ETV1: variants seen among roughly 807,000 people sequenced by gnomAD.
The protein encoded by ETV1 is ETS translocation variant 1.
A neutral mutation model predicts 62.3 loss-of-function variants in ETV1; 27 were observed. That is an observed-to-expected ratio of 0.43 (90% CI 0.32 to 0.60). The LOEUF is 0.60. Among genes scored for constraint, ETV1 ranks in the 20% least tolerant of loss-of-function variants. The pLI is 0.06. For synonymous variants in ETV1, 222 were observed against 199.6 expected, an observed-to-expected ratio of 1.11 and a Z score of -0.94; for missense variants, 605 against 605.8, an observed-to-expected ratio of 1.00 and a Z score of 0.01.
intron 13 of ETV1, among the ~76,000 whole-genome samples, chr7:13,898,747 C>T (rs576249017): frequency 1.3e-5 from 2 of 152,250 alleles, no homozygotes; most frequent in East Asian, 3.9e-4. Flanking sequence ...TATAATTCAA[C>T]ATCATAGTTT....
Position 13,935,949 on chromosome 7 carries a change from T to A in ETV1, c.366-53A>T, listed in dbSNP as rs75565594. The A allele has an allele frequency of 0.014, 19,250 of 1,413,960 alleles. 1,551 individuals carry two copies. The African/African-American group carries it at 0.21, about 15-fold the overall frequency. 87.6% of individuals were successfully genotyped at this position (1,413,960 alleles called of 1,614,324 possible). On this transcript the variant is annotated intron_variant, in intron 7 of 13. Transcript: ENST00000430479. ...CATTTCTTTCTTTGGAGCAATTTTT[T>A]AAAAAAGTTTCTAATCCAAAGGAAG...
At chr7:13,961,807 C>T (rs1191164158) in intron 6 of ETV1, among the ~76,000 whole-genome samples, 10 of 152,006 alleles carry the variant, frequency 6.6e-5, no homozygotes, top group Non-Finnish European at 1.5e-4. Flanking sequence ...TTTTGAATTC[C>T]TATGGTCAAA....
At chr7:13,962,136 A>T (rs1245659181) in intron 6 of ETV1, among the ~76,000 whole-genome samples, 1 of 151,708 alleles carries the variant, frequency 6.6e-6, no homozygotes, top group Non-Finnish European at 1.5e-5. Flanking sequence ...CCATGTGCCA[A>T]ATATATTACT....
intron 5 of ETV1, among the ~76,000 whole-genome samples, chr7:13,980,609 A>C (rs1313553642): frequency 6.6e-6 from 1 of 152,118 alleles, no homozygotes; most frequent in Admixed American, 6.6e-5. Flanking sequence ...GACCAATAAA[A>C]TGCTTTCAAG....
chr7:13,932,044 CCACA>C lies in ETV1; in HGVS notation c.555-299_555-296del, dbSNP rs60981382. Among the ~76,000 whole-genome samples, 1,086 of 148,050 alleles carry C rather than the reference CCACA, an allele frequency of 7.3e-3. 9 individuals are homozygous for C. The highest frequency in any genetic ancestry group is 0.015 in the African/African-American group (620 of 40,046). The stretch of plus-strand genomic sequence containing the variant: ...GAAAAACTTTGAGGATTTTACACAC[CCACA>C]CACACACACACACACACACACAACG... On this transcript the variant is annotated intron_variant, in intron 8 of 13. Transcript: ENST00000430479.
chr7:13,947,478 G>T (rs1788312199), intron 6 of ETV1, among the ~76,000 whole-genome samples: 1 of 150,128 alleles, frequency 6.7e-6, no homozygotes, highest in Admixed American at 6.6e-5. Context: ...ATTCTCATCA[G>T]TTAAGACAGG....
chr7:13,957,539 T>C (rs77605777), intron 6 of ETV1, among the ~76,000 whole-genome samples: 2,505 of 152,318 alleles, frequency 0.016, 75 homozygotes, highest in African/African-American at 0.058. Context: ...ACAAATAGCA[T>C]TGGTTGTCTA....
rs1421082670 is a variant in ETV1, at chr7:13,893,783, T to C, written c.*2083A>G. ...AAAACTTTCACTGAATATTTTAACA[T>C]CTGTTTTTATTCTAAGTGCTGTAGA... On this transcript the variant is annotated 3_prime_UTR_variant, in exon 14 of 14. Transcript: ENST00000430479. 1 of 232,840 alleles carries C rather than the reference T, an allele frequency of 4.3e-6. No homozygotes were observed. The highest frequency in any genetic ancestry group is 5.6e-5 in the Admixed American group (1 of 17,766). 14.4% of individuals were successfully genotyped at this position (232,840 alleles called of 1,614,324 possible). A position where few individuals can be genotyped will look rare whatever the true frequency, so the allele number is the denominator to read the frequency against.
intron 9 of ETV1, among the ~76,000 whole-genome samples, chr7:13,923,218 C>T (rs1204993178): frequency 2.0e-5 from 3 of 152,084 alleles, no homozygotes; most frequent in Non-Finnish European, 2.9e-5. Context: ...CTCCATTACC[C>T]AATTATTTAA....
chr7:13,959,882 C>CA (rs35605197), intron 6 of ETV1, among the ~76,000 whole-genome samples: 8,901 of 56,460 alleles, frequency 0.16, 1,924 homozygotes, highest in Non-Finnish European at 0.29. Context: ...GATTCTGTCT[C>CA]AAAAAAAAAA....
chr7:13,908,156 T>G (rs977809106), intron 11 of ETV1, among the ~76,000 whole-genome samples: 1 of 152,154 alleles, frequency 6.6e-6, no homozygotes, highest in Admixed American at 6.5e-5. Context: ...TTTCTTCTTG[T>G]TCTACATTAC....
chr7:13,986,261 T>C, intron 5 of ETV1: 1 of 1,521,740 alleles, frequency 6.6e-7, no homozygotes, highest in Admixed American at 2.4e-5. Flanking sequence ...TGCGCTGCTC[T>C]AAAGGAAACA....
At chr7:13,916,305 T>C (rs1238507397) in intron 9 of ETV1, among the ~76,000 whole-genome samples, 1 of 152,160 alleles carries the variant, frequency 6.6e-6, no homozygotes. Context: ...ATGGTTTTAA[T>C]ATGCTTGTAA....
Position 13,893,601 on chromosome 7 carries a change from A to T in ETV1, c.*2265T>A, listed in dbSNP as rs1275693042. 4.3e-6 allele frequency: 1 copy of T among 232,070 alleles called. No homozygotes were observed. Among genetic ancestry groups the T allele is most frequent in the Non-Finnish European group, 8.5e-6 (1 of 117,482 alleles). The allele number at this position is 232,070 out of a possible 1,614,324, so 14.4% of individuals were successfully genotyped here. ...ACTGACTGACTAAAACTAGACTATT[A>T]AAAAGAAGAAAAAGGAGAAAAGAGA... is the stretch of plus-strand genomic sequence containing the variant. On this transcript the variant is annotated 3_prime_UTR_variant, in exon 14 of 14. Transcript: ENST00000430479.
chr7:13,906,388 A>T (rs1162121717), intron 12 of ETV1, 42 bp downstream of exon 12: 5 of 1,331,030 alleles, frequency 3.8e-6, no homozygotes, highest in Non-Finnish European at 5.0e-6. Context: ...TCTTTATGTT[A>T]TAACATGTCT....
At chr7:13,940,361 CAAAAA>C (rs776017052) in intron 6 of ETV1, among the ~76,000 whole-genome samples, 213 of 79,002 alleles carry the variant, frequency 2.7e-3, no homozygotes, top group Non-Finnish European at 3.9e-3. Flanking sequence ...GACTCCACCT[CAAAAA>C]AAAAAGAAAA....
chr7:13,951,482 C>A (rs1455784436), intron 6 of ETV1, among the ~76,000 whole-genome samples: 1 of 152,122 alleles, frequency 6.6e-6, no homozygotes, highest in Admixed American at 6.5e-5. Flanking sequence ...CTAAGGGAGC[C>A]ACACTACGTA....
chr7:13,959,758 C>T (rs766730615), intron 6 of ETV1, among the ~76,000 whole-genome samples: 17 of 151,732 alleles, frequency 1.1e-4, no homozygotes, highest in Admixed American at 5.3e-4. Flanking sequence ...TGGCACATGC[C>T]TCTAATCCCA....
intron 6 of ETV1, among the ~76,000 whole-genome samples, chr7:13,964,946 C>T (rs540980667): frequency 2.0e-5 from 3 of 152,046 alleles, no homozygotes; most frequent in South Asian, 2.1e-4. Context: ...TAATCTTTAT[C>T]GTCTCAAGCT....
Sources: allele counts gnomAD v4.1 joint callset (sites outside exome capture counted in the v4.1 genomes callset), GRCh38; gene constraint gnomAD v4.1.1; transcripts MANE v1.5; gene names NCBI Gene and HGNC (gene_info 2026-07-23, HGNC 2026-07-21).